Variants in ZNF652 observed in about 807,000 individuals in gnomAD.
ZNF652 encodes the protein zinc finger protein 652.
ZNF652 carries 16 observed loss-of-function variants against 45.2 expected under a neutral mutation model. That is an observed-to-expected ratio of 0.35 (90% CI 0.24 to 0.54). The LOEUF (loss-of-function observed/expected upper bound fraction) is 0.54. Among genes scored for constraint, ZNF652 ranks in the 20% least tolerant of loss-of-function variants. The pLI, the probability that ZNF652 is intolerant of heterozygous loss-of-function variation, is 0.91. For missense variants in ZNF652, 614 were observed against 765.6 expected, an observed-to-expected ratio of 0.80 and a Z score of 2.34; for synonymous variants, 250 against 260.6, an observed-to-expected ratio of 0.96 and a Z score of 0.39.
chr17:49,315,613 G>C (rs1284947598), intron 2 of ZNF652, among the ~76,000 whole-genome samples: 1 of 150,864 alleles, frequency 6.6e-6, no homozygotes, highest in Non-Finnish European at 1.5e-5. Flanking sequence ...AACGCTTTCA[G>C]TAATGGATCA....
intron 1 of ZNF652, among the ~76,000 whole-genome samples, chr17:49,360,750 GA>G (rs920310921): frequency 2.7e-5 from 4 of 147,906 alleles, no homozygotes; most frequent in South Asian, 2.1e-4. Context: ...CCATCCTCTG[GA>G]AAAAAAAAAT....
chr17:49,320,146 C>T (rs1247878428), intron 1 of ZNF652, among the ~76,000 whole-genome samples: 2 of 152,132 alleles, frequency 1.3e-5, no homozygotes, highest in Non-Finnish European at 2.9e-5. Flanking sequence ...AGTTATATCA[C>T]AACTTTGAAA....
intron 1 of ZNF652, among the ~76,000 whole-genome samples, chr17:49,345,298 G>A (rs560301415): frequency 6.6e-6 from 1 of 151,256 alleles, no homozygotes; most frequent in African/African-American, 2.4e-5. Flanking sequence ...CTCCTCCCGG[G>A]TTCAAGCAAT....
intron 1 of ZNF652, among the ~76,000 whole-genome samples, chr17:49,341,383 T>A (rs998214605): frequency 3.4e-5 from 5 of 148,092 alleles, no homozygotes; most frequent in Non-Finnish European, 7.4e-5. Context: ...CTGGGCAAGG[T>A]GGCTCATGGC....
intron 1 of ZNF652, among the ~76,000 whole-genome samples, chr17:49,325,353 T>C (rs557908198): frequency 1.8e-4 from 27 of 152,336 alleles, no homozygotes; most frequent in African/African-American, 5.5e-4. Context: ...TATGAACGCA[T>C]ATAACATTTA....
Position 49,293,655 on chromosome 17 carries a change from T to TAAAAAA in ZNF652, c.*4752_*4757dup, listed in dbSNP as rs10609861. On this transcript the variant is annotated 3_prime_UTR_variant, in exon 6 of 6. Transcript: ENST00000430262. ...CTAATGGCTTATGACCTTTCATTCC[T>TAAAAAA]AAAAAAAAAAAAAAAAAAAAAAAAA... 1.3e-5 allele frequency among the ~76,000 whole-genome samples: 1 copy of TAAAAAA among 78,302 alleles called. No homozygotes were observed. The highest frequency in any genetic ancestry group is 4.2e-5 in the African/African-American group (1 of 23,940). The allele number at this position is 78,302 out of a possible 152,430, so 51.4% of individuals were successfully genotyped here.
chr17:49,339,310 CTTT>C (rs36110074), intron 1 of ZNF652, among the ~76,000 whole-genome samples: 11,671 of 110,790 alleles, frequency 0.11, 605 homozygotes, highest in African/African-American at 0.17. Context: ...TCAAGTGATT[CTTT>C]TTTTTTTTTT....
intron 2 of ZNF652, among the ~76,000 whole-genome samples, chr17:49,315,943 C>CA (rs1567921745): frequency 6.6e-6 from 1 of 152,048 alleles, no homozygotes; most frequent in Non-Finnish European, 1.5e-5. Flanking sequence ...AGAAGCACAC[C>CA]AAAAAACAAA....
intron 2 of ZNF652, among the ~76,000 whole-genome samples, chr17:49,315,247 G>A (rs1217249433): frequency 4.0e-5 from 6 of 151,450 alleles, no homozygotes; most frequent in East Asian, 1.9e-4. Flanking sequence ...CTCCATGTTC[G>A]TCAGGCTGGT....
chr17:49,315,811 C>T (rs532235208), intron 2 of ZNF652, among the ~76,000 whole-genome samples: 4 of 152,264 alleles, frequency 2.6e-5, no homozygotes, highest in Admixed American at 6.5e-5. Context: ...GAATCAAAAG[C>T]GGTGAATTTT....
At chr17:49,339,408 C>G (rs2070120230) in intron 1 of ZNF652, among the ~76,000 whole-genome samples, 1 of 150,508 alleles carries the variant, frequency 6.6e-6, no homozygotes. Flanking sequence ...GCAACATAAT[C>G]CAAAATTACA....
chr17:49,336,316 C>T (rs1029863090), intron 1 of ZNF652, among the ~76,000 whole-genome samples: 1 of 145,252 alleles, frequency 6.9e-6, no homozygotes, highest in East Asian at 2.0e-4. Flanking sequence ...AGCTGCCATG[C>T]CCAGCCCTTT....
Position 49,298,264 on chromosome 17 carries a change from C to T in ZNF652, c.*149G>A. On this transcript the variant is annotated 3_prime_UTR_variant, in exon 6 of 6. Coordinates refer to ENST00000430262, the MANE Select transcript of ZNF652 (RefSeq NM_001145365.3). ...GCTCAAGGTAGTCTTCTTGTTCATTCCCTTGGATCTGTTGATTCAGTGACA... is the reference window on the plus strand; with the variant it reads ...GCTCAAGGTAGTCTTCTTGTTCATTTCCTTGGATCTGTTGATTCAGTGACA... The T allele has an allele frequency of 1.0e-6, 1 of 979,830 alleles. No individual in the cohort carries two copies. The highest frequency in any genetic ancestry group is 1.5e-6 in the Non-Finnish European group (1 of 676,908). 60.7% of individuals were successfully genotyped at this position (979,830 alleles called of 1,614,324 possible).
At chr17:49,316,379 G>A (rs555594673) in intron 2 of ZNF652, among the ~76,000 whole-genome samples, 22 of 152,192 alleles carry the variant, frequency 1.4e-4, no homozygotes, top group South Asian at 8.3e-4. Flanking sequence ...CATTTCCACC[G>A]GTCTGAGTCA....
At chr17:49,354,969 G>A (rs1450101367) in intron 1 of ZNF652, among the ~76,000 whole-genome samples, 1 of 151,860 alleles carries the variant, frequency 6.6e-6, no homozygotes, top group Non-Finnish European at 1.5e-5. Context: ...CAAGTGATCT[G>A]CCCACCTCAG....
At chr17:49,309,961 CT>C (rs374612800) in intron 5 of ZNF652, among the ~76,000 whole-genome samples, 7 of 149,024 alleles carry the variant, frequency 4.7e-5, no homozygotes, top group Non-Finnish European at 7.5e-5. Flanking sequence ...CTCTGTTGTT[CT>C]TTTTTTTTTG....
rs2072153 is a variant in ZNF652 at position 49,312,652 on chromosome 17, G to A, written c.1048+46C>T. On this transcript the variant is annotated intron_variant, in intron 3 of 5. Coordinates refer to ENST00000430262, the MANE Select transcript of ZNF652 (RefSeq NM_001145365.3). Reference sequence around the variant, plus strand: ...AATCCAGGGCATAAAGCACACAGAAGAACAAGGGAAAATTATAGGTATAAG... The same window carrying A: ...AATCCAGGGCATAAAGCACACAGAAAAACAAGGGAAAATTATAGGTATAAG... 5.1e-4 allele frequency: 816 copies of A among 1,591,030 alleles called. 1 individual carries two copies. The highest frequency in any genetic ancestry group is 6.5e-4 in the Non-Finnish European group (760 of 1,169,890).
chr17:49,362,393 T>C (rs933270899), upstream of ZNF652: 1 of 145,270 alleles, frequency 6.9e-6, no homozygotes, highest in African/African-American at 2.5e-5. Flanking sequence ...TGCGCAGCCC[T>C]CGGGCCGGCC....
intron 2 of ZNF652, among the ~76,000 whole-genome samples, chr17:49,316,249 C>G (rs577745220): frequency 6.6e-6 from 1 of 152,196 alleles, no homozygotes; most frequent in East Asian, 1.9e-4. Context: ...AGGTGGGCAA[C>G]ATTTTCGACC....
Sources: gnomAD v4.1 joint callset for allele counts (sites outside exome capture counted in the v4.1 genomes callset) on GRCh38, gnomAD v4.1.1 for gene constraint, MANE v1.5 for transcripts, NCBI Gene and HGNC (gene_info 2026-07-23, HGNC 2026-07-21) for gene names.